The following BACH2 variants were observed in gnomAD, a reference collection of about 807,000 sequenced individuals.
BACH2 encodes the protein transcription regulator protein BACH2.
In BACH2, 5 loss-of-function variants were observed where a neutral mutation model predicts 61.8. The ratio of observed to expected loss-of-function variants is 0.08; its 90% CI spans 0.04 to 0.17. The LOEUF is 0.17. Ranked by LOEUF, BACH2 falls within the 10% of genes least tolerant of loss-of-function variation. BACH2 has a pLI of 1.00. For missense variants in BACH2, 824 were observed against 1,091.1 expected (o/e 0.76, Z 3.45); for synonymous variants, 446 against 440.1 (o/e 1.01, Z -0.17).
chr6:90,029,452 C>G (rs917068236), intron 5 of BACH2, among the ~76,000 whole-genome samples: 1 of 152,134 alleles, frequency 6.6e-6, no homozygotes, highest in Non-Finnish European at 1.5e-5. Flanking sequence ...CACCCTGCTC[C>G]GTTTAAACCA....
At chr6:89,945,653 A>C (rs1054618504) in intron 7 of BACH2, among the ~76,000 whole-genome samples, 2 of 152,336 alleles carry the variant, frequency 1.3e-5, no homozygotes, top group Middle Eastern at 6.8e-3. Context: ...CATTGTGGAT[A>C]TATCAACAAC....
chr6:90,140,926 T>C (rs1037687237), intron 4 of BACH2, among the ~76,000 whole-genome samples: 3 of 152,160 alleles, frequency 2.0e-5, no homozygotes, highest in African/African-American at 7.2e-5. Context: ...AAAATAGCCA[T>C]AGATACACTT....
intron 5 of BACH2, among the ~76,000 whole-genome samples, chr6:90,065,225 G>A (rs1483484090): frequency 1.4e-5 from 2 of 142,216 alleles, no homozygotes; most frequent in African/African-American, 2.6e-5. Flanking sequence ...GCAGTTTGGT[G>A]TAAAGCAGTA....
intron 3 of BACH2, among the ~76,000 whole-genome samples, chr6:90,249,920 T>G (rs776408597): frequency 1.3e-5 from 2 of 152,212 alleles, no homozygotes; most frequent in Admixed American, 1.3e-4. Context: ...GACTGCCGTT[T>G]ATTTAATAGG....
intron 4 of BACH2, among the ~76,000 whole-genome samples, chr6:90,206,281 A>C (rs1014497314): frequency 2.6e-5 from 4 of 152,180 alleles, no homozygotes; most frequent in Admixed American, 6.5e-5. Flanking sequence ...ATCTAGCCCC[A>C]GAGTCTCAAT....
intron 3 of BACH2, among the ~76,000 whole-genome samples, chr6:90,249,278 A>G (rs1206943588): frequency 6.6e-6 from 1 of 152,166 alleles, no homozygotes. Flanking sequence ...CAGGCACTGT[A>G]TGTGATGTGG....
At chr6:90,074,331 C>T (rs747276843) in intron 5 of BACH2, among the ~76,000 whole-genome samples, 1 of 152,156 alleles carries the variant, frequency 6.6e-6, no homozygotes, top group Non-Finnish European at 1.5e-5. Flanking sequence ...TTTATAGGAT[C>T]TCTGGTGGTA....
chr6:90,209,345 A>G (rs1769264560), intron 3 of BACH2, among the ~76,000 whole-genome samples: 2 of 152,248 alleles, frequency 1.3e-5, no homozygotes. Context: ...TCATGGCTTC[A>G]AAGTCAAGAA....
chr6:90,210,872 T>C (rs1313228746), intron 3 of BACH2, among the ~76,000 whole-genome samples: 5 of 151,730 alleles, frequency 3.3e-5, no homozygotes, highest in African/African-American at 4.8e-5. Context: ...GATAGAAGCA[T>C]GGGTAAGAAG....
At chr6:90,263,240 G>C (rs1215978282) in intron 2 of BACH2, among the ~76,000 whole-genome samples, 3 of 152,038 alleles carry the variant, frequency 2.0e-5, no homozygotes, top group African/African-American at 7.2e-5. Context: ...AAAAATCATG[G>C]GTCAAACATC....
intron 4 of BACH2, among the ~76,000 whole-genome samples, chr6:90,189,883 A>G (rs969832179): frequency 2.0e-5 from 3 of 152,160 alleles, no homozygotes. Context: ...AAAGAACCAA[A>G]GATATATCAT....
chr6:89,974,774 C>A (rs1446554406), intron 6 of BACH2, among the ~76,000 whole-genome samples: 1 of 152,200 alleles, frequency 6.6e-6, no homozygotes, highest in Non-Finnish European at 1.5e-5. Context: ...ACAACCGTCC[C>A]TTAAAAGAGC....
rs773619776 is a variant in BACH2, at chr6:89,932,802, T to C, written c.2132A>G (p.Gln711Arg). 7.4e-6 allele frequency: 12 copies of C among 1,613,472 alleles called. No homozygotes were observed. Among genetic ancestry groups the C allele is most frequent in the Non-Finnish European group, 7.6e-6 (9 of 1,179,522 alleles). ...GCTCTGGATGTCTCGGCAAACTTCCTGGGAAAGGCAGGAGAAGTTGTCCAA... is the reference window on the plus strand; with the variant it reads ...GCTCTGGATGTCTCGGCAAACTTCCCGGGAAAGGCAGGAGAAGTTGTCCAA... ...ELLDNFSCLS[Q>R]EVCRDIQSPE... The change falls in exon 9 of 9, where the codon CAG (glutamine) becomes CGG (arginine). Residue 711 changes from glutamine to arginine, a missense_variant. Gln to Arg is a conservative substitution (Grantham distance 43). Coordinates refer to ENST00000257749, the MANE Select transcript of BACH2 (RefSeq NM_021813.4).
chr6:90,050,756 T>G (rs1259139225), intron 5 of BACH2, among the ~76,000 whole-genome samples: 4 of 148,920 alleles, frequency 2.7e-5, no homozygotes, highest in Non-Finnish European at 5.9e-5. Flanking sequence ...AAACGAAAGC[T>G]CTTTGGGGTT....
chr6:90,113,916 T>C (rs896788487), intron 4 of BACH2, among the ~76,000 whole-genome samples: 1 of 151,978 alleles, frequency 6.6e-6, no homozygotes, highest in African/African-American at 2.4e-5. Flanking sequence ...CTAGAAAACC[T>C]AGACAAGATG....
chr6:90,010,088 A>AT (rs1212943525), intron 5 of BACH2, among the ~76,000 whole-genome samples: 1 of 152,168 alleles, frequency 6.6e-6, no homozygotes, highest in East Asian at 1.9e-4. Context: ...TGGCTTTCTT[A>AT]TTTTTTTAAA....
intron 5 of BACH2, among the ~76,000 whole-genome samples, chr6:90,049,611 G>A (rs1303521336): frequency 6.6e-6 from 1 of 152,188 alleles, no homozygotes; most frequent in African/African-American, 2.4e-5. Flanking sequence ...AAAACTGCTG[G>A]CATCTCAGCA....
At chr6:90,134,400 T>C (rs1219388514) in intron 4 of BACH2, among the ~76,000 whole-genome samples, 1 of 152,226 alleles carries the variant, frequency 6.6e-6, no homozygotes, top group Non-Finnish European at 1.5e-5. Context: ...GCCCTGTTTG[T>C]AGTATCAACC....
At chr6:90,221,619 G>A (rs1466907941) in intron 3 of BACH2, among the ~76,000 whole-genome samples, 2 of 152,162 alleles carry the variant, frequency 1.3e-5, no homozygotes, top group African/African-American at 2.4e-5. Context: ...ATGCAATAAT[G>A]GAGGTGCTGA....
Sources: gnomAD v4.1 joint callset for allele counts (sites outside exome capture counted in the v4.1 genomes callset) on GRCh38, gnomAD v4.1.1 for gene constraint, MANE v1.5 for transcripts, NCBI Gene and HGNC (gene_info 2026-07-23, HGNC 2026-07-21) for gene names.